Variants in ADAM23 observed in about 807,000 individuals in gnomAD.
ADAM23 encodes disintegrin and metalloproteinase domain-containing protein 23.
In ADAM23, 33 loss-of-function variants were observed where a neutral mutation model predicts 120.1. The observed-to-expected ratio is 0.27, with a 90% CI of 0.21 to 0.37. The LOEUF (loss-of-function observed/expected upper bound fraction) is 0.37, where lower values mean the gene tolerates loss of function less well. Among genes scored for constraint, ADAM23 ranks in the 10% least tolerant of loss-of-function variants. ADAM23 has a pLI of 1.00. For missense variants in ADAM23, 862 were observed against 1,058.2 expected, an observed-to-expected ratio of 0.81 and a Z score of 2.57; for synonymous variants, 367 against 375.2, an observed-to-expected ratio of 0.98 and a Z score of 0.25.
chr2:206,601,080 C>T (rs1698632123), intron 24 of ADAM23, among the ~76,000 whole-genome samples: 1 of 152,204 alleles, frequency 6.6e-6, no homozygotes, highest in South Asian at 2.1e-4. Flanking sequence ...TCTCCTGTTA[C>T]AGGGAGACCC....
chr2:206,593,800 C>A (rs1698469366), intron 22 of ADAM23, among the ~76,000 whole-genome samples: 1 of 151,926 alleles, frequency 6.6e-6, no homozygotes, highest in Admixed American at 6.6e-5. Flanking sequence ...ATAGCATTAT[C>A]ATTCAAATTC....
intron 2 of ADAM23, among the ~76,000 whole-genome samples, chr2:206,459,512 T>A (rs1258658750): frequency 6.6e-6 from 1 of 152,220 alleles, no homozygotes; most frequent in Non-Finnish European, 1.5e-5. Flanking sequence ...TCCCTTATAT[T>A]TTCACACCGT....
intron 9 of ADAM23, among the ~76,000 whole-genome samples, chr2:206,552,170 T>C (rs1697541166): frequency 6.6e-6 from 1 of 152,184 alleles, no homozygotes; most frequent in Non-Finnish European, 1.5e-5. Flanking sequence ...ATAAATACTT[T>C]TAGAGTAGTA....
At position 206,445,467 on chromosome 2, in the gene ADAM23, G is replaced by A. The variant is rs746690006; in HGVS notation, c.375G>A (p.Ser125=). ...SRLIYYINQD[S]ESPYHVLDTK... ...TCATATATTACATCAACCAAGACTC[G>A]GAAAGCCCTTATCACGTTCTTGACA... is the stretch of plus-strand genomic sequence containing the variant. The change falls in exon 2 of 26, where the codon TCG becomes TCA. Residue 125 remains serine, a synonymous_variant. Coordinates refer to ENST00000264377, the MANE Select transcript of ADAM23 (RefSeq NM_003812.4). The A allele has an allele frequency of 4.3e-5, 69 of 1,613,954 alleles. No homozygotes were observed. The highest frequency in any genetic ancestry group is 5.3e-5 in the Non-Finnish European group (62 of 1,180,010).
At chr2:206,481,443 A>G in intron 3 of ADAM23, 135 bp downstream of exon 3, 1 of 548,154 alleles carries the variant, frequency 1.8e-6, no homozygotes, top group Non-Finnish European at 3.0e-6. Flanking sequence ...TGTAAAGTAT[A>G]AAATTCTGAA....
intron 2 of ADAM23, among the ~76,000 whole-genome samples, chr2:206,468,960 G>A (rs1286930969): frequency 3.3e-5 from 5 of 152,136 alleles, no homozygotes; most frequent in African/African-American, 4.8e-5. Flanking sequence ...GGGACGAGGT[G>A]CCACACACTT....
intron 2 of ADAM23, 53 bp from the exon 3 acceptor site, chr2:206,481,179 G>T (rs1258603111): frequency 2.1e-5 from 29 of 1,394,440 alleles, no homozygotes; most frequent in Non-Finnish European, 2.6e-5. Context: ...ATAATAATCT[G>T]TCTTAAAGAC....
chr2:206,533,188 C>G (rs1027425006), intron 4 of ADAM23, among the ~76,000 whole-genome samples: 1 of 151,918 alleles, frequency 6.6e-6, no homozygotes, highest in Non-Finnish European at 1.5e-5. Flanking sequence ...CCCTAAAGAT[C>G]TCAAATTGTT....
intron 9 of ADAM23, among the ~76,000 whole-genome samples, chr2:206,554,122 A>G (rs1697590429): frequency 6.6e-6 from 1 of 152,222 alleles, no homozygotes; most frequent in South Asian, 2.1e-4. Flanking sequence ...CATTCTGCCT[A>G]CATTTGCATT....
At chr2:206,446,566 A>G (rs754225033) in intron 2 of ADAM23, among the ~76,000 whole-genome samples, 18 of 152,172 alleles carry the variant, frequency 1.2e-4, no homozygotes, top group Non-Finnish European at 1.9e-4. Context: ...GGGGAGCTAG[A>G]AATTTAAGGC....
At chr2:206,581,885 C>T (rs1176221480) in intron 18 of ADAM23, among the ~76,000 whole-genome samples, 2 of 150,582 alleles carry the variant, frequency 1.3e-5, no homozygotes, top group Non-Finnish European at 3.0e-5. Context: ...TCCTTCCTTT[C>T]TTTTTTTTTG....
intron 3 of ADAM23, among the ~76,000 whole-genome samples, chr2:206,483,207 G>T (rs2105879430): frequency 6.6e-6 from 1 of 152,296 alleles, no homozygotes; most frequent in East Asian, 1.9e-4. Flanking sequence ...GGATAACAAG[G>T]CAGAGAGGAT....
chr2:206,501,332 A>G (rs936718664), intron 3 of ADAM23, among the ~76,000 whole-genome samples: 2 of 151,930 alleles, frequency 1.3e-5, no homozygotes, highest in African/African-American at 2.4e-5. Flanking sequence ...GCTGATTGCT[A>G]TCAAGTACTT....
intron 25 of ADAM23, among the ~76,000 whole-genome samples, chr2:206,610,427 A>G (rs559422271): frequency 6.6e-5 from 10 of 152,224 alleles, no homozygotes; most frequent in Non-Finnish European, 1.3e-4. Flanking sequence ...TTATGCAATC[A>G]TTACTTGTAT....
At chr2:206,445,550 A>T in intron 2 of ADAM23, 26 bp downstream of exon 2, 2 of 1,574,346 alleles carry the variant, frequency 1.3e-6, no homozygotes, top group Non-Finnish European at 1.7e-6. Context: ...GCTATGCAAA[A>T]GTAACTATCA....
intron 3 of ADAM23, among the ~76,000 whole-genome samples, 176 bp downstream of exon 3, chr2:206,481,484 A>G (rs1574489850): frequency 1.3e-5 from 2 of 152,330 alleles, no homozygotes; most frequent in East Asian, 3.9e-4. Context: ...TCCGAAATAA[A>G]AGATATTTAA....
intron 2 of ADAM23, among the ~76,000 whole-genome samples, chr2:206,465,276 T>C (rs1036224661): frequency 2.4e-4 from 36 of 152,142 alleles, no homozygotes; most frequent in African/African-American, 8.4e-4. Flanking sequence ...CTTGCCTTAA[T>C]TCATCCTCTG....
rs146740655 is a variant in ADAM23 at position 206,445,339 on chromosome 2, T to C, written c.247T>C (p.Leu83=). The part of the protein sequence containing the change: ...PHWNETAEKN[L]GVLADEDNTL... The stretch of plus-strand genomic sequence containing the variant: ...TTGGAATGAAACTGCAGAAAAAAAT[T>C]TGGGAGTCCTGGCAGATGAAGACAA... Residue 83 remains leucine, a synonymous_variant, in exon 2 of 26, where the codon TTG becomes CTG. Transcript: ENST00000264377. 3.1e-6 allele frequency: 5 copies of C among 1,613,580 alleles called. No homozygotes were observed. The highest frequency in any genetic ancestry group is 1.1e-5 in the South Asian group (1 of 91,056).
At chr2:206,477,901 T>TATATATATATATAC (rs1553548690) in intron 2 of ADAM23, among the ~76,000 whole-genome samples, 5 of 122,220 alleles carry the variant, frequency 4.1e-5, no homozygotes, top group Middle Eastern at 4.0e-3. Context: ...AAAAAAAATA[T>TATATATATATATAC]ATATATATAT....
Sources: gnomAD v4.1 joint callset for allele counts (sites outside exome capture counted in the v4.1 genomes callset) on GRCh38, gnomAD v4.1.1 for gene constraint, MANE v1.5 for transcripts, NCBI Gene and HGNC (gene_info 2026-07-23, HGNC 2026-07-21) for gene names.